The following LINGO2 variants were observed in gnomAD, a reference collection of about 807,000 sequenced individuals.
LINGO2 encodes the protein leucine-rich repeat and immunoglobulin-like domain-containing nogo receptor-interacting protein 2.
In LINGO2, 14 loss-of-function variants were observed where a neutral mutation model predicts 30.6. That is an observed-to-expected ratio of 0.46 (90% CI 0.30 to 0.72). The LOEUF (loss-of-function observed/expected upper bound fraction) is 0.72, where lower values mean the gene tolerates loss of function less well. LINGO2 is among the 30% of genes least tolerant of loss of function. The pLI is 0.07. For missense variants in LINGO2, 729 were observed against 751.7 expected (o/e 0.97, Z 0.35); for synonymous variants, 317 against 288.5 (o/e 1.10, Z -1.00).
the LINGO2 span, among the ~76,000 whole-genome samples, chr9:28,771,411 T>C: frequency 6.6e-6 from 1 of 151,718 alleles, no homozygotes; most frequent in East Asian, 1.9e-4. Context: ...TGACTGAAAT[T>C]CTCCCCCTGT....
At chr9:28,416,189 C>T (rs558724456) in intron 2 of LINGO2, among the ~76,000 whole-genome samples, 2 of 152,216 alleles carry the variant, frequency 1.3e-5, no homozygotes, top group African/African-American at 4.8e-5. Flanking sequence ...TCTGACCACA[C>T]AAGTAAAGCC....
At chr9:29,178,653 A>G in the LINGO2 span, among the ~76,000 whole-genome samples, 1 of 152,182 alleles carries the variant, frequency 6.6e-6, no homozygotes, top group Non-Finnish European at 1.5e-5. Context: ...TTTGGAAACT[A>G]TGTATATAGG....
chr9:28,807,319 C>A, the LINGO2 span, among the ~76,000 whole-genome samples: 2 of 152,086 alleles, frequency 1.3e-5, no homozygotes, highest in African/African-American at 2.4e-5. Context: ...CCACCATGCC[C>A]GGCCGTGAAA....
At chr9:28,027,514 A>G (rs2119434775) in intron 4 of LINGO2, among the ~76,000 whole-genome samples, 1 of 152,268 alleles carries the variant, frequency 6.6e-6, no homozygotes, top group East Asian at 1.9e-4. Context: ...AATACTGGGG[A>G]AGCAAGCATG....
At chr9:28,914,879 TC>T in the LINGO2 span, among the ~76,000 whole-genome samples, 2 of 152,192 alleles carry the variant, frequency 1.3e-5, no homozygotes, top group African/African-American at 4.8e-5. Context: ...ACGCCTGTAA[TC>T]CCAGCACTTT....
intron 5 of LINGO2, among the ~76,000 whole-genome samples, chr9:28,004,883 G>A (rs1194753811): frequency 1.3e-5 from 2 of 152,108 alleles, no homozygotes; most frequent in African/African-American, 2.4e-5. Flanking sequence ...TATATAAGAG[G>A]AGTTCCTTCC....
chr9:28,453,537 A>G (rs1302607777), intron 2 of LINGO2, among the ~76,000 whole-genome samples: 1 of 151,986 alleles, frequency 6.6e-6, no homozygotes, highest in African/African-American at 2.4e-5. Flanking sequence ...AAGAAATTTC[A>G]TGATTGTCTC....
intron 4 of LINGO2, among the ~76,000 whole-genome samples, chr9:28,181,198 C>A (rs1319254972): frequency 6.6e-6 from 1 of 152,150 alleles, no homozygotes; most frequent in Non-Finnish European, 1.5e-5. Context: ...TACCACCAAC[C>A]AGCATATCCA....
At chr9:28,653,374 C>T (rs748056769) in intron 1 of LINGO2, among the ~76,000 whole-genome samples, 2 of 152,156 alleles carry the variant, frequency 1.3e-5, no homozygotes, top group Non-Finnish European at 2.9e-5. Context: ...TTGGGTATGA[C>T]TCACTCAGCC....
chr9:28,399,626 G>A (rs944449942), intron 2 of LINGO2, among the ~76,000 whole-genome samples: 25 of 152,052 alleles, frequency 1.6e-4, no homozygotes, highest in African/African-American at 5.8e-4. Context: ...TTTAAACAAC[G>A]AAGTGACCAT....
chr9:28,529,162 T>C (rs1340005431), intron 1 of LINGO2, among the ~76,000 whole-genome samples: 33 of 152,140 alleles, frequency 2.2e-4, no homozygotes, highest in Admixed American at 2.2e-3. Context: ...TGACCCATTC[T>C]CCTTCCAGTA....
At chr9:28,809,982 TATTGTTGTTC>T in the LINGO2 span, among the ~76,000 whole-genome samples, 3 of 152,142 alleles carry the variant, frequency 2.0e-5, no homozygotes, top group Admixed American at 6.5e-5. Flanking sequence ...TGCCTTTGCT[TATTGTTGTTC>T]ATTGTCTACC....
chr9:28,147,623 C>G lies in LINGO2; in HGVS notation c.-86-135218G>C, dbSNP rs1827850707. ...CCGGCCAAGACAGGGCCACTGGGTG[C>G]CAGCCAGCACCTGGGCGAGGTGCCA... is the stretch of plus-strand genomic sequence containing the variant. On this transcript the variant is annotated intron_variant, in intron 4 of 5. Coordinates refer to ENST00000379992, the Ensembl canonical transcript of LINGO2. This position sits in a 1 kb window ranked among gnomAD's most constrained non-coding sequence, Gnocchi z 4.7. 6.6e-6 allele frequency among the ~76,000 whole-genome samples: 1 copy of G among 152,132 alleles called. No homozygotes were observed. Among genetic ancestry groups the G allele is most frequent in the African/African-American group, 2.4e-5 (1 of 41,436 alleles).
intron 4 of LINGO2, among the ~76,000 whole-genome samples, chr9:28,133,934 T>C (rs1202405060): frequency 6.6e-6 from 1 of 152,190 alleles, no homozygotes; most frequent in African/African-American, 2.4e-5. Flanking sequence ...CTTACAATAT[T>C]ATCCAATATC....
chr9:28,394,743 T>C (rs975040429), intron 2 of LINGO2, among the ~76,000 whole-genome samples: 1 of 152,218 alleles, frequency 6.6e-6, no homozygotes, highest in Non-Finnish European at 1.5e-5. Context: ...CCCAGTACTA[T>C]ACATATAGAT....
the LINGO2 span, among the ~76,000 whole-genome samples, chr9:29,116,928 G>A: frequency 6.6e-6 from 1 of 152,106 alleles, no homozygotes; most frequent in Non-Finnish European, 1.5e-5. Context: ...CACAGTAGGG[G>A]TCGTCTAATG....
At chr9:28,987,072 GTT>G in the LINGO2 span, among the ~76,000 whole-genome samples, 30 of 119,148 alleles carry the variant, frequency 2.5e-4, no homozygotes, top group African/African-American at 6.1e-4. Context: ...GTTCTAACAG[GTT>G]TTTTTTTTTT....
chr9:28,351,294 G>A (rs373756544), intron 3 of LINGO2, among the ~76,000 whole-genome samples: 2,080 of 137,790 alleles, frequency 0.015, 19 homozygotes, highest in Middle Eastern at 0.081. Flanking sequence ...TCAAATAGAC[G>A]CAATAAAAAA....
intron 1 of LINGO2, among the ~76,000 whole-genome samples, chr9:28,643,340 A>G (rs1827687574): frequency 6.6e-6 from 1 of 152,070 alleles, no homozygotes; most frequent in Non-Finnish European, 1.5e-5. Context: ...ATAAAAACAG[A>G]CACATAGACC....
Sources: allele counts gnomAD v4.1 joint callset (sites outside exome capture counted in the v4.1 genomes callset), GRCh38; gene constraint gnomAD v4.1.1; non-coding constraint Gnocchi (gnomAD v3.1); transcripts MANE v1.5; gene names NCBI Gene and HGNC (gene_info 2026-07-23, HGNC 2026-07-21).